XKR9: variants seen among roughly 807,000 people sequenced by gnomAD.
XKR9 encodes the protein XK related 9.
In XKR9, 32 loss-of-function variants were observed where a neutral mutation model predicts 32.0. The ratio of observed to expected loss-of-function variants is 1.00; its 90% confidence interval spans 0.76 to 1.34. The LOEUF is 1.34. XKR9 is among the 40% of genes most tolerant of loss of function. The probability of loss-of-function intolerance (pLI) is 0.00; values close to 1 mark genes in which losing one functional copy is unlikely to be tolerated. For synonymous variants in XKR9, 168 were observed against 143.4 expected (o/e 1.17, Z -1.22); for missense variants, 546 against 429.7 (o/e 1.27, Z -2.39).
At chr8:70,890,776 A>T in the XKR9 span, among the ~76,000 whole-genome samples, 1 of 151,998 alleles carries the variant, frequency 6.6e-6, no homozygotes, top group Non-Finnish European at 1.5e-5. Context: ...TTGTGTCTTT[A>T]TCTGGTCTTA....
chr8:70,914,245 G>A, the XKR9 span, among the ~76,000 whole-genome samples: 1 of 152,118 alleles, frequency 6.6e-6, no homozygotes, highest in Non-Finnish European at 1.5e-5. Flanking sequence ...TTTTGGTTGA[G>A]TATACACATA....
chr8:70,926,876 T>G, the XKR9 span, among the ~76,000 whole-genome samples: 1 of 152,136 alleles, frequency 6.6e-6, no homozygotes, highest in African/African-American at 2.4e-5. Context: ...TGCCATTAAG[T>G]GTGTGGGTTT....
chr8:70,988,374 A>C, the XKR9 span, among the ~76,000 whole-genome samples: 1 of 151,892 alleles, frequency 6.6e-6, no homozygotes, highest in Non-Finnish European at 1.5e-5. Flanking sequence ...AAACCCAAGC[A>C]AATAAAACAA....
chr8:70,724,961 G>A (rs1020325250), intron 4 of XKR9, among the ~76,000 whole-genome samples: 15 of 152,058 alleles, frequency 9.9e-5, no homozygotes, highest in African/African-American at 3.1e-4. Context: ...AAGTTTAATC[G>A]ACTCACAGTT....
At chr8:70,819,127 A>T in the XKR9 span, among the ~76,000 whole-genome samples, 3,259 of 152,268 alleles carry the variant, frequency 0.021, 75 homozygotes, top group Non-Finnish European at 0.034. Flanking sequence ...AGCAGCTTGG[A>T]TCTGTTCTTT....
chr8:71,004,121 G>A, the XKR9 span, among the ~76,000 whole-genome samples: 1 of 152,168 alleles, frequency 6.6e-6, no homozygotes, highest in Non-Finnish European at 1.5e-5. Context: ...GTTGGCTGGG[G>A]TCATCCCGTG....
the XKR9 span, among the ~76,000 whole-genome samples, chr8:71,024,300 T>TC: frequency 6.6e-6 from 1 of 152,182 alleles, no homozygotes; most frequent in Non-Finnish European, 1.5e-5. Context: ...GGCAGCAGCC[T>TC]CCCTGATATG....
chr8:71,047,610 T>G, the XKR9 span, among the ~76,000 whole-genome samples: 1 of 152,222 alleles, frequency 6.6e-6, no homozygotes, highest in African/African-American at 2.4e-5. Context: ...ATGCAATCTC[T>G]CTGTGTTCTG....
chr8:70,873,175 C>T, the XKR9 span, among the ~76,000 whole-genome samples: 1 of 152,212 alleles, frequency 6.6e-6, no homozygotes, highest in Admixed American at 6.5e-5. Context: ...AAGATTACTT[C>T]TCATTGACAA....
chr8:70,798,845 A>G, the XKR9 span, among the ~76,000 whole-genome samples: 5 of 152,202 alleles, frequency 3.3e-5, no homozygotes, highest in Non-Finnish European at 5.9e-5. Context: ...TTTGTTGAAT[A>G]TAAGATGGTT....
chr8:70,906,399 C>G, the XKR9 span, among the ~76,000 whole-genome samples: 1 of 152,162 alleles, frequency 6.6e-6, no homozygotes, highest in Non-Finnish European at 1.5e-5. Context: ...TACTATTAAA[C>G]TTTATAGGGT....
At chr8:70,813,996 A>C in the XKR9 span, among the ~76,000 whole-genome samples, 1 of 152,220 alleles carries the variant, frequency 6.6e-6, no homozygotes, top group African/African-American at 2.4e-5. Flanking sequence ...ATGCATACGT[A>C]TGTTTATTGC....
intron 4 of XKR9, among the ~76,000 whole-genome samples, chr8:70,732,148 C>A (rs1282162592): frequency 6.6e-6 from 1 of 152,132 alleles, no homozygotes; most frequent in Non-Finnish European, 1.5e-5. Context: ...CATGGTGGAG[C>A]TACAAACAGA....
At chr8:70,739,957 C>G (rs1205204781), downstream of XKR9, among the ~76,000 whole-genome samples, 1 of 152,108 alleles carries the variant, frequency 6.6e-6, no homozygotes, top group Admixed American at 6.6e-5. Flanking sequence ...TGGAGTTGCT[C>G]TTCTTGAGGA....
rs564092218 is a variant in XKR9 at position 70,765,377 on chromosome 8, C to T, written n.353-23962C>T. ...AGCTTTTTATCATGTTTGTTGGCTG[C>T]AAAAATGTCTTCTTTTGAGAAGTGT... On this transcript the variant is annotated intron_variant and non_coding_transcript_variant, in intron 2 of 3. Coordinates refer to the XKR9 transcript ENST00000520273. 8.5e-5 allele frequency among the ~76,000 whole-genome samples: 13 copies of T among 152,278 alleles called. No individual in the cohort carries two copies. In the South Asian group the frequency reaches 2.7e-3, roughly 32 times the overall value.
At chr8:70,792,160 A>G (rs1807772240), downstream of XKR9, among the ~76,000 whole-genome samples, 1 of 152,156 alleles carries the variant, frequency 6.6e-6, no homozygotes, top group Non-Finnish European at 1.5e-5. Flanking sequence ...GCAGAGTACA[A>G]TAGCTTACAA....
rs1408515329 is a variant in XKR9, at chr8:70,696,194, T to C, written c.273-10739T>C. ...AGAAGCTCTTTAGTTTAATTAGATCTCATTTGTCAATTCTGGCTTTCGTTG... is the reference window on the plus strand; with the variant it reads ...AGAAGCTCTTTAGTTTAATTAGATCCCATTTGTCAATTCTGGCTTTCGTTG... On this transcript the variant is annotated intron_variant, in intron 3 of 4. Coordinates refer to ENST00000408926, the MANE Select transcript of XKR9 (RefSeq NM_001011720.2). Among the ~76,000 whole-genome samples, 8 of 152,138 alleles carry C rather than the reference T, an allele frequency of 5.3e-5. No individual in the cohort carries two copies. In the South Asian group the frequency reaches 1.2e-3, roughly 24 times the overall value.
the XKR9 span, among the ~76,000 whole-genome samples, chr8:71,060,386 C>T: frequency 6.6e-6 from 1 of 152,196 alleles, no homozygotes; most frequent in African/African-American, 2.4e-5. Flanking sequence ...ACTCTACTTC[C>T]AGGCTCCTCC....
the XKR9 span, among the ~76,000 whole-genome samples, chr8:71,026,458 T>A: frequency 6.6e-6 from 1 of 152,176 alleles, no homozygotes; most frequent in Non-Finnish European, 1.5e-5. Context: ...AGGGCTTTAT[T>A]CCAGTAGGAA....
Sources: allele counts gnomAD v4.1 joint callset (sites outside exome capture counted in the v4.1 genomes callset), GRCh38; gene constraint gnomAD v4.1.1; transcripts MANE v1.5; gene names NCBI Gene and HGNC (gene_info 2026-07-23, HGNC 2026-07-21).